NRXN1: variants seen among roughly 807,000 people sequenced by gnomAD.
NRXN1 encodes neurexin 1, also known as neurexin-1.
A neutral mutation model predicts 150.9 loss-of-function variants in NRXN1; 39 were observed. The ratio of observed to expected loss-of-function variants is 0.26; its 90% confidence interval spans 0.20 to 0.34. The LOEUF (loss-of-function observed/expected upper bound fraction) is 0.34, where lower values mean the gene tolerates loss of function less well. NRXN1 is among the 10% of genes least tolerant of loss of function. The probability of loss-of-function intolerance (pLI) is 1.00; values close to 1 mark genes in which losing one functional copy is unlikely to be tolerated. For synonymous variants in NRXN1, 924 were observed against 757.0 expected, an observed-to-expected ratio of 1.22 and a Z score of -3.62; for missense variants, 1,815 against 1,949.9, an observed-to-expected ratio of 0.93 and a Z score of 1.30.
intron 8 of NRXN1, among the ~76,000 whole-genome samples, chr2:50,608,978 C>G (rs1220373314): frequency 2.0e-5 from 3 of 152,076 alleles, no homozygotes; most frequent in Non-Finnish European, 4.4e-5. Flanking sequence ...TCTTATTTAT[C>G]TCTACCAATT....
chr2:50,505,124 C>G (rs746582340), intron 13 of NRXN1, among the ~76,000 whole-genome samples: 13 of 152,062 alleles, frequency 8.5e-5, no homozygotes, highest in Non-Finnish European at 1.8e-4. Context: ...CTTATAATAT[C>G]ATGCATTGTC....
chr2:49,949,455 CAA>C (rs1673536856), intron 21 of NRXN1, among the ~76,000 whole-genome samples: 1 of 151,830 alleles, frequency 6.6e-6, no homozygotes, highest in Admixed American at 6.6e-5. Flanking sequence ...AATAACATTC[CAA>C]GACTTTATTC....
intron 5 of NRXN1, among the ~76,000 whole-genome samples, chr2:50,832,661 A>AAAAC (rs148515428): frequency 1.5e-4 from 23 of 151,940 alleles, no homozygotes; most frequent in African/African-American, 4.1e-4. Context: ...TCCCGTCTCA[A>AAAAC]AAACAAACAA....
At chr2:50,691,050 C>T (rs187979513) in intron 5 of NRXN1, among the ~76,000 whole-genome samples, 1 of 152,266 alleles carries the variant, frequency 6.6e-6, no homozygotes. Context: ...TCTTGTAATA[C>T]TCCAAAAGTT....
rs562932780 is a variant in NRXN1 at position 50,505,246 on chromosome 2, C to T, written c.2497+1249G>A. On this transcript the variant is annotated intron_variant, in intron 13 of 22. Transcript: ENST00000401669. ...AAAACACACAAAACAAAAAAATAAACGTAGGTTCTCTCCTCAGATCTCGTA... is the reference window on the plus strand; with the variant it reads ...AAAACACACAAAACAAAAAAATAAATGTAGGTTCTCTCCTCAGATCTCGTA... 5.3e-5 allele frequency among the ~76,000 whole-genome samples: 8 copies of T among 152,130 alleles called. No homozygotes were observed. The East Asian group carries it at 9.7e-4, about 18-fold the overall frequency.
At chr2:50,113,273 T>C (rs531726089) in intron 18 of NRXN1, among the ~76,000 whole-genome samples, 7 of 152,234 alleles carry the variant, frequency 4.6e-5, no homozygotes, top group Non-Finnish European at 8.8e-5. Context: ...TATATCCTTA[T>C]TGCACATAAA....
intron 5 of NRXN1, among the ~76,000 whole-genome samples, chr2:50,735,375 C>T (rs1160842050): frequency 6.6e-6 from 1 of 151,760 alleles, no homozygotes; most frequent in Non-Finnish European, 1.5e-5. Flanking sequence ...TGTAATGAAA[C>T]GTACCAAGAA....
intron 17 of NRXN1, among the ~76,000 whole-genome samples, chr2:50,369,459 T>C (rs772159539): frequency 7.2e-5 from 11 of 151,992 alleles, no homozygotes; most frequent in Non-Finnish European, 1.2e-4. Flanking sequence ...GGATTGATCT[T>C]ACAGGAAGTT....
chr2:50,269,052 G>T (rs1156488176), intron 17 of NRXN1, among the ~76,000 whole-genome samples: 1 of 152,134 alleles, frequency 6.6e-6, no homozygotes, highest in Non-Finnish European at 1.5e-5. Flanking sequence ...GATATGGAAA[G>T]TATAGTAAAA....
chr2:50,654,136 C>T (rs188616770), intron 5 of NRXN1, among the ~76,000 whole-genome samples: 61 of 146,348 alleles, frequency 4.2e-4, no homozygotes, highest in African/African-American at 1.3e-3. Context: ...CCCATTAACT[C>T]GTCATTTAAC....
At chr2:50,922,805 A>G in intron 3 of NRXN1, 118 bp from the exon 4 acceptor site, 5 of 1,003,800 alleles carry the variant, frequency 5.0e-6, no homozygotes, top group South Asian at 4.1e-5. Flanking sequence ...ACATGTCTGT[A>G]TCACAGAGGC....
chr2:50,804,674 T>A (rs975758865), intron 5 of NRXN1, among the ~76,000 whole-genome samples: 1 of 152,160 alleles, frequency 6.6e-6, no homozygotes, highest in Non-Finnish European at 1.5e-5. Flanking sequence ...AAATGAAGAA[T>A]ATGCAAAATG....
chr2:50,218,376 T>C (rs2063546572), intron 18 of NRXN1, among the ~76,000 whole-genome samples: 1 of 151,958 alleles, frequency 6.6e-6, no homozygotes, highest in African/African-American at 2.4e-5. Flanking sequence ...ATCTACCAGC[T>C]CTTAGTATGA....
intron 5 of NRXN1, among the ~76,000 whole-genome samples, chr2:50,913,648 T>A (rs1684829563): frequency 6.6e-6 from 1 of 151,752 alleles, no homozygotes. Context: ...TCTTTGAATA[T>A]CCCTGCATTT....
intron 18 of NRXN1, among the ~76,000 whole-genome samples, chr2:50,101,557 A>C (rs1472202655): frequency 6.6e-6 from 1 of 152,010 alleles, no homozygotes. Flanking sequence ...CTTGGATTGT[A>C]ATTTTAGTCC....
intron 21 of NRXN1, chr2:50,023,300 C>T (rs1687834706): frequency 6.6e-6 from 1 of 152,126 alleles, no homozygotes; most frequent in East Asian, 1.9e-4. Context: ...CTTTAACCTC[C>T]ATCACTTCTC....
intron 5 of NRXN1, among the ~76,000 whole-genome samples, chr2:50,878,754 A>G (rs543918949): frequency 1.2e-3 from 189 of 152,028 alleles, no homozygotes; most frequent in African/African-American, 4.3e-3. Context: ...GTATTTGGGG[A>G]AAAAGCTTAT....
At chr2:50,321,567 AT>A (rs987270877) in intron 17 of NRXN1, among the ~76,000 whole-genome samples, 2 of 151,714 alleles carry the variant, frequency 1.3e-5, no homozygotes, top group Non-Finnish European at 1.5e-5. Flanking sequence ...CAAAATGAAC[AT>A]TTTTTTTTCC....
intron 5 of NRXN1, among the ~76,000 whole-genome samples, chr2:50,654,956 G>C (rs371178087): frequency 6.6e-6 from 1 of 152,106 alleles, no homozygotes; most frequent in African/African-American, 2.4e-5. Flanking sequence ...AAGTGAACAA[G>C]AGGAAAGAGG....
Sources: allele counts gnomAD v4.1 joint callset (sites outside exome capture counted in the v4.1 genomes callset), GRCh38; gene constraint gnomAD v4.1.1; transcripts MANE v1.5; gene names NCBI Gene and HGNC (gene_info 2026-07-23, HGNC 2026-07-21).